PDE6G: variants seen among roughly 807,000 people sequenced by gnomAD.
The protein encoded by PDE6G is phosphodiesterase 6G.
A neutral mutation model predicts 10.9 loss-of-function variants in PDE6G; 10 were observed. That is an observed-to-expected ratio of 0.91 (90% confidence interval 0.56 to 1.55). The LOEUF is 1.55. Among genes scored for constraint, PDE6G ranks in the 40% most tolerant of loss-of-function variants. PDE6G has a pLI of 0.00. For missense variants in PDE6G, 102 were observed against 110.1 expected (o/e 0.93, Z 0.33); for synonymous variants, 41 against 42.8 (o/e 0.96, Z 0.16).
At chr17:81,655,622 T>C (rs1182880141) in intron 1 of PDE6G, among the ~76,000 whole-genome samples, 1 of 152,224 alleles carries the variant, frequency 6.6e-6, no homozygotes, top group African/African-American at 2.4e-5. Flanking sequence ...AGAGGGGAAT[T>C]CCTAATCTCC....
In PDE6G at chr17:81,651,826, A is replaced by T; in HGVS notation, c.147-141T>A. On this transcript the variant is annotated intron_variant, in intron 2 of 3. Transcript: ENST00000331056. The surrounding 1 kb of genome is among the most constrained non-coding windows in gnomAD (Gnocchi z 4.8). Reference sequence around the variant, plus strand: ...TGGGCAGAGACCCGCCTCCTCCCCAACCTCCCAGGGCTTGGCGCATCTGAG... The same window carrying T: ...TGGGCAGAGACCCGCCTCCTCCCCATCCTCCCAGGGCTTGGCGCATCTGAG... 3.5e-6 allele frequency: 3 copies of T among 867,744 alleles called. No individual in the cohort carries two copies. Among genetic ancestry groups the T allele is most frequent in the Non-Finnish European group, 5.6e-6 (3 of 532,908 alleles). The allele number at this position is 867,744 out of a possible 1,614,324, so 53.8% of individuals were successfully genotyped here. A position where few individuals can be genotyped will look rare whatever the true frequency, so the allele number is the denominator to read the frequency against.
In PDE6G at chr17:81,650,918, G is replaced by A. The variant is rs1286364488; in HGVS notation, c.*156C>T. ...GGAGGTGGTGGGCTCCTGGTGACTG[G>A]TATTAATATGTAGGGGGAGACCTGA... is the stretch of plus-strand genomic sequence containing the variant. On this transcript the variant is annotated 3_prime_UTR_variant, in exon 4 of 4. Coordinates refer to ENST00000331056, the MANE Select transcript of PDE6G (RefSeq NM_002602.4). 2 of 699,912 alleles carry A rather than the reference G, an allele frequency of 2.9e-6. No homozygotes were observed. The highest frequency in any genetic ancestry group is 4.0e-5 in the Admixed American group (2 of 49,410). The allele number at this position is 699,912 out of a possible 1,614,324, so 43.4% of individuals were successfully genotyped here.
Position 81,653,248 on chromosome 17 carries a change from G to GAAC in PDE6G, c.57_58insGTT (p.Gly19_Pro20insVal). ...GGGGGCCCTTTCCTGGGGGTGACAG[G>GAAC]TCCCCCGGCCACCCTGGTGGCTGAC... On this transcript the variant is annotated inframe_insertion, in exon 2 of 4. Coordinates refer to ENST00000331056, the MANE Select transcript of PDE6G (RefSeq NM_002602.4). This position sits in a 1 kb window ranked among gnomAD's most constrained non-coding sequence, Gnocchi z 5.2. 6.2e-7 allele frequency: 1 copy of GAAC among 1,614,056 alleles called. No individual in the cohort carries two copies. Among genetic ancestry groups the GAAC allele is most frequent in the Non-Finnish European group, 8.5e-7 (1 of 1,179,972 alleles).
At chr17:81,652,151 G>A (rs2036368117) in intron 2 of PDE6G, among the ~76,000 whole-genome samples, 1 of 151,700 alleles carries the variant, frequency 6.6e-6, no homozygotes, top group Admixed American at 6.6e-5. Context: ...CGGTGCCTGT[G>A]TGCGCACACG....
At chr17:81,662,051 A>G (rs1004274076) in intron 1 of PDE6G, among the ~76,000 whole-genome samples, 2 of 151,936 alleles carry the variant, frequency 1.3e-5, no homozygotes, top group African/African-American at 4.8e-5. Context: ...AAATCTTTAA[A>G]TCTACCTATG....
upstream of PDE6G, among the ~76,000 whole-genome samples, chr17:81,660,352 C>T (rs1393770214): frequency 6.6e-6 from 1 of 152,104 alleles, no homozygotes; most frequent in Non-Finnish European, 1.5e-5. Context: ...GTGGAGGTTG[C>T]AGTGAGCAGA....
intron 2 of PDE6G, among the ~76,000 whole-genome samples, chr17:81,652,572 C>T (rs1035843134): frequency 2.6e-5 from 4 of 151,264 alleles, no homozygotes; most frequent in Non-Finnish European, 5.9e-5. Context: ...CCACCGCCCC[C>T]GGCCGTTTTG....
At chr17:81,652,849 G>A (rs2036383816) in intron 2 of PDE6G, among the ~76,000 whole-genome samples, 4 of 45,312 alleles carry the variant, frequency 8.8e-5, no homozygotes, top group African/African-American at 1.3e-4. Context: ...TTTTTAGGCC[G>A]GGCGCGACCT....
Position 81,651,766 on chromosome 17 carries a change from T to A in PDE6G, c.147-81A>T. The A allele has an allele frequency of 6.9e-7, 1 of 1,441,822 alleles. No homozygotes were observed. Among genetic ancestry groups the A allele is most frequent in the Non-Finnish European group, 9.6e-7 (1 of 1,036,880 alleles). The allele number at this position is 1,441,822 out of a possible 1,614,324, so 89.3% of individuals were successfully genotyped here. On this transcript the variant is annotated intron_variant, in intron 2 of 3. Transcript: ENST00000331056. This position sits in a 1 kb window ranked among gnomAD's most constrained non-coding sequence, Gnocchi z 4.8. ...CTGAGGCCCGAGGTCATCTCTAGCCTTCCTAGGAGATGAGGTGTTTGGCTG... is the reference window on the plus strand; with the variant it reads ...CTGAGGCCCGAGGTCATCTCTAGCCATCCTAGGAGATGAGGTGTTTGGCTG...
chr17:81,661,370 G>C (rs1046891369), upstream of PDE6G, among the ~76,000 whole-genome samples: 1 of 152,220 alleles, frequency 6.6e-6, no homozygotes, highest in Admixed American at 6.5e-5. Context: ...CGAATGCCTA[G>C]GCAGATACGG....
rs1417901075 is a variant in PDE6G at position 81,653,297 on chromosome 17, C to T, written c.9G>A (p.Leu3=). The T allele has an allele frequency of 1.9e-6, 3 of 1,613,306 alleles. No individual in the cohort carries two copies. Among genetic ancestry groups the T allele is most frequent in the Non-Finnish European group, 2.5e-6 (3 of 1,179,904 alleles). The part of the protein sequence containing the change: MN[L]EPPKAEFRSA... Reference sequence around the variant, plus strand: ...ACCGGAACTCAGCCTTGGGCGGTTCCAGGTTCATGGTGAGGCTGACGGAGA... The same window carrying T: ...ACCGGAACTCAGCCTTGGGCGGTTCTAGGTTCATGGTGAGGCTGACGGAGA... The change falls in exon 2 of 4, where the codon CTG becomes CTA. Residue 3 remains leucine (L), a synonymous_variant. Transcript: ENST00000331056. This position sits in a 1 kb window ranked among gnomAD's most constrained non-coding sequence, Gnocchi z 5.2.
rs2036389010 is a variant in PDE6G, at chr17:81,653,143, C to A, written c.146+17G>T. On this transcript the variant is annotated intron_variant, in intron 2 of 3. Transcript: ENST00000331056. This position sits in a 1 kb window ranked among gnomAD's most constrained non-coding sequence, Gnocchi z 5.2. ...GCCTCCTCCCTTTCAGAGGCCCCATCCCCCAGCTCTGCTTACCCTTGAACG... is the reference window on the plus strand; with the variant it reads ...GCCTCCTCCCTTTCAGAGGCCCCATACCCCAGCTCTGCTTACCCTTGAACG... 1.9e-6 allele frequency: 3 copies of A among 1,611,808 alleles called. No homozygotes were observed. Among genetic ancestry groups the A allele is most frequent in the African/African-American group, 1.3e-5 (1 of 74,846 alleles).
chr17:81,657,855 T>C (rs1386798711), upstream of PDE6G, among the ~76,000 whole-genome samples: 1 of 151,590 alleles, frequency 6.6e-6, no homozygotes, highest in African/African-American at 2.4e-5. Flanking sequence ...CACTAGAGCC[T>C]GGGCGACAGA....
At chr17:81,655,480 G>A (rs774830374) in intron 1 of PDE6G, among the ~76,000 whole-genome samples, 2 of 152,230 alleles carry the variant, frequency 1.3e-5, no homozygotes, top group Non-Finnish European at 2.9e-5. Context: ...CGCTCTGGAC[G>A]AGATCAGTGT....
intron 1 of PDE6G, among the ~76,000 whole-genome samples, chr17:81,655,574 C>T (rs1200884517): frequency 6.6e-6 from 1 of 152,244 alleles, no homozygotes; most frequent in Non-Finnish European, 1.5e-5. Context: ...GTGACCTGGG[C>T]CAAGGGCAGT....
At chr17:81,656,119 G>T (rs1297182636) in intron 1 of PDE6G, among the ~76,000 whole-genome samples, 1 of 152,214 alleles carries the variant, frequency 6.6e-6, no homozygotes, top group Non-Finnish European at 1.5e-5. Context: ...GTCCTGGGCA[G>T]CTCTGGGCCC....
chr17:81,650,522 T>C lies in PDE6G; in HGVS notation c.*552A>G. 2.2e-6 allele frequency: 1 copy of C among 454,032 alleles called. No homozygotes were observed. Among genetic ancestry groups the C allele is most frequent in the Non-Finnish European group, 4.4e-6 (1 of 226,732 alleles). 28.1% of individuals were successfully genotyped at this position (454,032 alleles called of 1,614,324 possible). ...CAAGGGCAGGCTGTATTGAGAAGGA[T>C]GGCCCCCTGGTGTGATGAGCTTGGG... On this transcript the variant is annotated 3_prime_UTR_variant, in exon 4 of 4. Coordinates refer to ENST00000331056, the MANE Select transcript of PDE6G (RefSeq NM_002602.4).
At position 81,651,997 on chromosome 17, in the gene PDE6G, G is replaced by C. The variant is rs1195248311; in HGVS notation, c.147-312C>G. Among the ~76,000 whole-genome samples, 1 of 152,222 alleles carries C rather than the reference G, an allele frequency of 6.6e-6. No individual in the cohort carries two copies. Among genetic ancestry groups the C allele is most frequent in the Non-Finnish European group, 1.5e-5 (1 of 68,032 alleles). ...GGGGTGCGTGGTTGGTGCATGGTCT[G>C]AGTGTAGATTTGTGAAGGTGGCTTG... On this transcript the variant is annotated intron_variant, in intron 2 of 3. Transcript: ENST00000331056. This position sits in a 1 kb window ranked among gnomAD's most constrained non-coding sequence, Gnocchi z 4.8.
rs766494400 is a variant in PDE6G, at chr17:81,651,694, A to T, written c.147-9T>A. 7 of 1,613,968 alleles carry T rather than the reference A, an allele frequency of 4.3e-6. No individual in the cohort carries two copies. The Admixed American group carries it at 1.2e-4, about 27-fold the overall frequency. ...GGATGTCGTCCCCAAACCTGCAAGG[A>T]CAGAGCACTCAGGGACATGGCCGGG... On this transcript the variant is annotated splice_polypyrimidine_tract_variant and intron_variant, in intron 2 of 3. Transcript: ENST00000331056. The surrounding 1 kb of genome is among the most constrained non-coding windows in gnomAD (Gnocchi z 4.8).
Sources: gnomAD v4.1 joint callset for allele counts (sites outside exome capture counted in the v4.1 genomes callset) on GRCh38, gnomAD v4.1.1 for gene constraint, Gnocchi (gnomAD v3.1) non-coding constraint, MANE v1.5 for transcripts, NCBI Gene and HGNC (gene_info 2026-07-23, HGNC 2026-07-21) for gene names.